Variants in CSMD1 observed in about 807,000 individuals in gnomAD.
The protein encoded by CSMD1 is CUB and Sushi multiple domains 1, also known as CUB and sushi domain-containing protein 1.
Under a neutral mutation model 417.5 loss-of-function variants are expected in CSMD1, and 213 were observed. The observed-to-expected ratio is 0.51, with a 90% CI of 0.46 to 0.57. The LOEUF is 0.57. CSMD1 is among the 20% of genes least tolerant of loss of function. The pLI, the probability that CSMD1 is intolerant of heterozygous loss-of-function variation, is 0.00. For missense variants in CSMD1, 6,923 were observed against 4,529.7 expected, an observed-to-expected ratio of 1.53 and a Z score of -15.17; for synonymous variants, 2,862 against 1,736.8, an observed-to-expected ratio of 1.65 and a Z score of -16.11.
At chr8:4,627,728 C>T (rs1411310402) in intron 2 of CSMD1, among the ~76,000 whole-genome samples, 1 of 152,138 alleles carries the variant, frequency 6.6e-6, no homozygotes, top group East Asian at 1.9e-4. Context: ...ATAACAGTTG[C>T]TCCCCTCAGC....
chr8:4,201,622 A>C (rs1341875163), intron 3 of CSMD1, among the ~76,000 whole-genome samples: 1 of 149,848 alleles, frequency 6.7e-6, no homozygotes, highest in African/African-American at 2.5e-5. Context: ...TGAAATATAA[A>C]ATACAAATAA....
At chr8:4,483,514 A>G (rs906828492) in intron 2 of CSMD1, among the ~76,000 whole-genome samples, 10 of 152,366 alleles carry the variant, frequency 6.6e-5, no homozygotes, top group African/African-American at 1.9e-4. Flanking sequence ...TGAAAGTCAT[A>G]CAAACATGAG....
intron 2 of CSMD1, among the ~76,000 whole-genome samples, chr8:4,500,273 G>A (rs150845472): frequency 4.1e-4 from 63 of 152,246 alleles, no homozygotes; most frequent in Non-Finnish European, 5.4e-4. Flanking sequence ...GATCGTCAGC[G>A]AGTGTCAATT....
At chr8:3,369,119 T>C (rs1334501932) in intron 19 of CSMD1, 135 bp downstream of exon 19, 1 of 538,626 alleles carries the variant, frequency 1.9e-6, no homozygotes, top group African/African-American at 1.9e-5. Flanking sequence ...TATTAAATAA[T>C]AAGTTAAAAT....
chr8:4,589,579 T>G (rs1413372638), intron 2 of CSMD1, among the ~76,000 whole-genome samples: 1 of 152,208 alleles, frequency 6.6e-6, no homozygotes, highest in East Asian at 1.9e-4. Flanking sequence ...ATATGGGACT[T>G]GCTTGCATTA....
At position 3,593,547 on chromosome 8, in the gene CSMD1, G is replaced by C. The variant is rs138398384; in HGVS notation, c.1098-7287C>G. Among the ~76,000 whole-genome samples the C allele has an allele frequency of 2.6e-5, 4 of 152,188 alleles. No homozygotes were observed. The East Asian group carries it at 7.7e-4, about 29-fold the overall frequency. On this transcript the variant is annotated intron_variant, in intron 8 of 69. Coordinates refer to ENST00000635120, the MANE Select transcript of CSMD1 (RefSeq NM_033225.6). The stretch of plus-strand genomic sequence containing the variant: ...CCGGGCCCTTAACGTCCTTGAGAGA[G>C]AGTGAAGGGATGTCCAGATCTGACT...
At chr8:4,277,523 T>A (rs982524007) in intron 3 of CSMD1, among the ~76,000 whole-genome samples, 1 of 152,172 alleles carries the variant, frequency 6.6e-6, no homozygotes, top group African/African-American at 2.4e-5. Context: ...GTTTTTCTTT[T>A]ATATCTAGAG....
intron 4 of CSMD1, among the ~76,000 whole-genome samples, chr8:4,028,515 A>G (rs2130553445): frequency 6.6e-6 from 1 of 152,296 alleles, no homozygotes; most frequent in East Asian, 1.9e-4. Context: ...AAGGAAAAAA[A>G]AATAGGCAAA....
rs531057726 is a variant in CSMD1, at chr8:2,955,505, C to T, written c.9994+84G>A. ...GCCTCATGCTCTTACTTATGGGTCT[C>T]ACACGTGGACACTAGCCTGATGGGC... On this transcript the variant is annotated intron_variant, in intron 64 of 69. Transcript: ENST00000635120. 5.9e-6 allele frequency: 8 copies of T among 1,363,576 alleles called. No homozygotes were observed. The South Asian group carries it at 9.4e-5, about 16-fold the overall frequency. The allele number at this position is 1,363,576 out of a possible 1,614,324, so 84.5% of individuals were successfully genotyped here.
intron 2 of CSMD1, among the ~76,000 whole-genome samples, chr8:4,437,234 A>T (rs532754944): frequency 6.6e-6 from 1 of 152,362 alleles, no homozygotes. Context: ...CAAATTGAAG[A>T]ACTGGTTCTG....
chr8:4,180,152 C>T (rs552308858), intron 3 of CSMD1, among the ~76,000 whole-genome samples: 9 of 152,050 alleles, frequency 5.9e-5, no homozygotes, highest in African/African-American at 9.7e-5. Context: ...GCACTATTCA[C>T]GACAGCAAAG....
At chr8:3,305,126 T>C (rs1258878363) in intron 25 of CSMD1, among the ~76,000 whole-genome samples, 1 of 152,160 alleles carries the variant, frequency 6.6e-6, no homozygotes, top group Non-Finnish European at 1.5e-5. Context: ...AGACATCCTC[T>C]TGCTTCATCC....
chr8:3,405,319 T>C (rs1321438970), intron 15 of CSMD1, among the ~76,000 whole-genome samples: 1 of 152,224 alleles, frequency 6.6e-6, no homozygotes, highest in Non-Finnish European at 1.5e-5. Flanking sequence ...GTAAACATTT[T>C]TAAAATGAGT....
chr8:4,071,334 A>G (rs10090443), intron 3 of CSMD1, among the ~76,000 whole-genome samples: 52,044 of 151,916 alleles, frequency 0.34, 10,404 homozygotes, highest in Non-Finnish European at 0.42. Flanking sequence ...TTGGACTAAC[A>G]TCATCAAGCT....
chr8:4,107,827 C>T (rs566225806), intron 3 of CSMD1, among the ~76,000 whole-genome samples: 2 of 152,266 alleles, frequency 1.3e-5, no homozygotes, highest in Non-Finnish European at 2.9e-5. Context: ...TTTATAAGAA[C>T]GAAGAGACAG....
intron 5 of CSMD1, among the ~76,000 whole-genome samples, chr8:3,882,060 A>T (rs1368249277): frequency 6.6e-6 from 1 of 152,236 alleles, no homozygotes; most frequent in South Asian, 2.1e-4. Context: ...AAGAAAAAAC[A>T]TATCAATAGT....
intron 1 of CSMD1, among the ~76,000 whole-genome samples, chr8:4,710,622 G>A (rs1420091967): frequency 6.6e-6 from 1 of 151,266 alleles, no homozygotes; most frequent in Non-Finnish European, 1.5e-5. Context: ...CAGATGGGTG[G>A]ATCACAAGCT....
In CSMD1 at chr8:4,377,051, CTCCT is replaced by C. The variant is rs1227495081; in HGVS notation, c.415+42898_415+42901del. 2.0e-5 allele frequency among the ~76,000 whole-genome samples: 3 copies of C among 152,292 alleles called. No homozygotes were observed. The East Asian group carries it at 5.8e-4, about 29-fold the overall frequency. On this transcript the variant is annotated intron_variant, in intron 3 of 69. Coordinates refer to ENST00000635120, the MANE Select transcript of CSMD1 (RefSeq NM_033225.6). ...ATGGCCTCGTCGGTTTCAGATTGTT[CTCCT>C]GGATCATTGCTTCTGTTGCTTTCAT...
At chr8:3,722,214 C>G (rs966953056) in intron 6 of CSMD1, among the ~76,000 whole-genome samples, 1 of 152,098 alleles carries the variant, frequency 6.6e-6, no homozygotes, top group African/African-American at 2.4e-5. Context: ...GAGGCTGAGG[C>G]AGGAGAATTG....
Sources: allele counts gnomAD v4.1 joint callset (sites outside exome capture counted in the v4.1 genomes callset), GRCh38; gene constraint gnomAD v4.1.1; transcripts MANE v1.5; gene names NCBI Gene and HGNC (gene_info 2026-07-23, HGNC 2026-07-21).